Variants in S100A13 observed in about 807,000 individuals in gnomAD.
The protein encoded by S100A13 is S100 calcium binding protein A13, also known as protein S100-A13.
A neutral mutation model predicts 8.2 loss-of-function variants in S100A13; 6 were observed. The observed-to-expected ratio is 0.73, with a 90% CI of 0.40 to 1.44. S100A13 has a LOEUF of 1.44. Among genes scored for constraint, S100A13 ranks in the 40% most tolerant of loss-of-function variants. S100A13 has a pLI of 0.02. For synonymous variants in S100A13, 39 were observed against 45.9 expected (o/e 0.85, Z 0.61); for missense variants, 114 against 113.6 (o/e 1.00, Z -0.02).
At chr1:153,623,684 G>A (rs928887004) in intron 2 of S100A13, among the ~76,000 whole-genome samples, 7 of 152,200 alleles carry the variant, frequency 4.6e-5, no homozygotes, top group African/African-American at 1.4e-4. Flanking sequence ...GAGCTTTGAG[G>A]AGAGAAGACA....
chr1:153,633,774 G>A (rs1557934558), upstream of S100A13, among the ~76,000 whole-genome samples: 1 of 151,492 alleles, frequency 6.6e-6, no homozygotes, highest in Non-Finnish European at 1.5e-5. Context: ...GAGGGGCGAG[G>A]GAATTCGGGA....
upstream of S100A13, among the ~76,000 whole-genome samples, chr1:153,632,428 C>T (rs1466601318): frequency 4.6e-5 from 7 of 151,732 alleles, no homozygotes; most frequent in Non-Finnish European, 1.0e-4. Flanking sequence ...CCTGCCACCA[C>T]GCCCGGCTAA....
At chr1:153,628,557 C>T, upstream of S100A13, 1 of 1,543,456 alleles carries the variant, frequency 6.5e-7, no homozygotes, top group Non-Finnish European at 8.7e-7. Flanking sequence ...GAGGGGTCTT[C>T]AGAAGGGCTC....
upstream of S100A13, chr1:153,632,037 C>CAGATGAGAGAGAAAGGCTTCTCTCT: frequency 1.6e-6 from 1 of 617,506 alleles, no homozygotes; most frequent in South Asian, 2.0e-5. Context: ...CTCTCACCAG[C>CAGATGAGAGAGAAAGGCTTCTCTCT]CATCCGATGT....
At chr1:153,621,087 C>G (rs1422832037) in intron 2 of S100A13, among the ~76,000 whole-genome samples, 3 of 151,448 alleles carry the variant, frequency 2.0e-5, no homozygotes, top group Non-Finnish European at 4.4e-5. Flanking sequence ...AAGAGAAAGG[C>G]TCAATCAGCT....
upstream of S100A13, chr1:153,630,539 G>A: frequency 6.2e-7 from 1 of 1,614,250 alleles, no homozygotes; most frequent in Non-Finnish European, 8.5e-7. Context: ...CTGAGCTGGA[G>A]ACGGCGATGG....
intron 1 of S100A13, 148 bp from the exon 2 acceptor site, chr1:153,626,681 T>G (rs1030136679): frequency 1.2e-5 from 6 of 512,792 alleles, no homozygotes; most frequent in Admixed American, 3.1e-5. Context: ...GGGTTGAGCT[T>G]GGGGCAGCAG....
At chr1:153,628,374 C>T (rs1667802581), upstream of S100A13, 12 of 1,536,692 alleles carry the variant, frequency 7.8e-6, no homozygotes, top group Admixed American at 9.9e-5. Context: ...GGGGTGGAGT[C>T]GGTGGGGGGG....
chr1:153,626,167 C>T (rs1166320403), intron 2 of S100A13, among the ~76,000 whole-genome samples, 153 bp downstream of exon 2: 1 of 152,156 alleles, frequency 6.6e-6, no homozygotes, highest in Non-Finnish European at 1.5e-5. Flanking sequence ...GACTTTGTCT[C>T]GAAAAAACAA....
upstream of S100A13, chr1:153,628,519 C>G (rs1223809413): frequency 1.3e-6 from 2 of 1,550,348 alleles, no homozygotes; most frequent in South Asian, 2.4e-5. Context: ...CCCCACTGGG[C>G]TAGTCCCTGG....
upstream of S100A13, chr1:153,633,016 C>CG (rs1316339318): frequency 1.3e-5 from 2 of 151,906 alleles, no homozygotes; most frequent in African/African-American, 2.4e-5. Context: ...CAAAAATTAG[C>CG]GGGGCATGGT....
chr1:153,624,163 T>A (rs182443868), intron 2 of S100A13, among the ~76,000 whole-genome samples: 154 of 152,242 alleles, frequency 1.0e-3, no homozygotes, highest in African/African-American at 3.6e-3. Context: ...AAAGGGAAAC[T>A]TGAAATCAAG....
intron 2 of S100A13, among the ~76,000 whole-genome samples, chr1:153,623,114 T>C (rs1667375977): frequency 6.6e-6 from 1 of 151,522 alleles, no homozygotes; most frequent in Non-Finnish European, 1.5e-5. Flanking sequence ...AGGTATCAGT[T>C]GTAAGCTGGT....
At chr1:153,630,169 G>T, upstream of S100A13, 1 of 412,304 alleles carries the variant, frequency 2.4e-6, no homozygotes, top group East Asian at 3.6e-5. Flanking sequence ...GACCACCCCT[G>T]CCTGCCCCAC....
chr1:153,628,632 G>C, upstream of S100A13: 1 of 1,399,138 alleles, frequency 7.1e-7, no homozygotes, highest in Non-Finnish European at 9.5e-7. Context: ...TCAGGGTGAG[G>C]GCAGTTTGGG....
upstream of S100A13, chr1:153,630,361 A>T: frequency 9.8e-7 from 1 of 1,017,778 alleles, no homozygotes; most frequent in Non-Finnish European, 1.4e-6. Flanking sequence ...CACATTGTAA[A>T]ATCTCAGGGA....
intron 2 of S100A13, among the ~76,000 whole-genome samples, chr1:153,619,692 A>C (rs548606436): frequency 3.0e-4 from 45 of 152,328 alleles, no homozygotes; most frequent in African/African-American, 1.0e-3. Context: ...CAGATAAACA[A>C]GCACAACCAA....
upstream of S100A13, chr1:153,631,792 T>C (rs763994438): frequency 2.2e-5 from 36 of 1,614,222 alleles, no homozygotes; most frequent in South Asian, 7.7e-5. Flanking sequence ...GTGGTGCTTG[T>C]GGCTGCTCTC....
At position 153,619,146 on chromosome 1, in the gene S100A13, G is replaced by GC. The variant is rs1477326313; in HGVS notation, c.154-109dup. ...TCTCTCAAGGCCCTTCCCTCAGAGA[G>GC]CAGTGGCACCTGCCCCTTCTCTAAA... On this transcript the variant is annotated intron_variant, in intron 2 of 2. Transcript: ENST00000476133. The GC allele has an allele frequency of 3.0e-6, 3 of 1,008,502 alleles. No individual in the cohort carries two copies. In the African/African-American group the frequency reaches 4.8e-5, roughly 16 times the overall value. The allele number at this position is 1,008,502 out of a possible 1,614,324, so 62.5% of individuals were successfully genotyped here. A position where few individuals can be genotyped will look rare whatever the true frequency, so the allele number is the denominator to read the frequency against.
Sources: allele counts gnomAD v4.1 joint callset (sites outside exome capture counted in the v4.1 genomes callset), GRCh38; gene constraint gnomAD v4.1.1; transcripts MANE v1.5; gene names NCBI Gene and HGNC (gene_info 2026-07-23, HGNC 2026-07-21).